BAZ2A: variants seen among roughly 807,000 people sequenced by gnomAD.
BAZ2A encodes the protein bromodomain adjacent to zinc finger domain protein 2A.
Under a neutral mutation model 199.9 loss-of-function variants are expected in BAZ2A, and 34 were observed. That is an observed-to-expected ratio of 0.17 (90% CI 0.13 to 0.23). The LOEUF is 0.23. Among genes scored for constraint, BAZ2A ranks in the 10% least tolerant of loss-of-function variants. The pLI is 1.00. For missense variants in BAZ2A, 2,002 were observed against 2,391.1 expected (o/e 0.84, Z 3.39); for synonymous variants, 857 against 883.9 (o/e 0.97, Z 0.54).
chr12:56,631,648 T>C (rs1310858686), upstream of BAZ2A, among the ~76,000 whole-genome samples: 1 of 152,156 alleles, frequency 6.6e-6, no homozygotes, highest in Non-Finnish European at 1.5e-5. Flanking sequence ...TTCAATGCAA[T>C]GCAGTTCTAG....
At chr12:56,601,472 G>A in intron 20 of BAZ2A, 70 bp from the exon 21 acceptor site, 1 of 1,591,790 alleles carries the variant, frequency 6.3e-7, no homozygotes, top group South Asian at 1.1e-5. Context: ...ACTTCAGGCA[G>A]CAGCTCCACA....
chr12:56,624,260 C>T (rs865961626), intron 1 of BAZ2A, among the ~76,000 whole-genome samples: 2 of 152,072 alleles, frequency 1.3e-5, no homozygotes, highest in African/African-American at 2.4e-5. Flanking sequence ...TAACTACCTT[C>T]CCTAGTCAGG....
Position 56,605,180 on chromosome 12 carries a change from G to A in BAZ2A, c.2641C>T (p.Gln881Ter). ...TCACCTTGACACAGGAGTCCCTCCTGCAGGACCCCCAGGCTAGGCACATCT... is the reference window on the plus strand; with the variant it reads ...TCACCTTGACACAGGAGTCCCTCCTACAGGACCCCCAGGCTAGGCACATCT... ...AKDVPSLGVL[Q>*]EGLLCQGDSL... The change falls in exon 14 of 29, where the codon CAG (glutamine) becomes TAG (stop). Residue 881 changes from glutamine to a stop codon, truncating the protein, a stop_gained. Transcript: ENST00000549884. LOFTEE classifies it high-confidence loss of function. The A allele has an allele frequency of 6.2e-7, 1 of 1,613,724 alleles. No individual in the cohort carries two copies. Among genetic ancestry groups the A allele is most frequent in the Non-Finnish European group, 8.5e-7 (1 of 1,179,820 alleles).
chr12:56,616,430 A>T (rs1950724899), intron 2 of BAZ2A, among the ~76,000 whole-genome samples: 1 of 152,102 alleles, frequency 6.6e-6, no homozygotes, highest in African/African-American at 2.4e-5. Flanking sequence ...CTAAGAATAG[A>T]ATTTGCAGTC....
At chr12:56,628,177 C>CAAAAAAAA (rs57372528) in intron 1 of BAZ2A, among the ~76,000 whole-genome samples, 4 of 28,302 alleles carry the variant, frequency 1.4e-4, no homozygotes, top group Non-Finnish European at 2.1e-4. Flanking sequence ...AACTCCGTCT[C>CAAAAAAAA]AAAAAAAAAA....
At position 56,611,639 on chromosome 12, in the gene BAZ2A, G is replaced by A. The variant is rs746116727; in HGVS notation, c.1610-6C>T. 1.3e-6 allele frequency: 2 copies of A among 1,598,520 alleles called. No individual in the cohort carries two copies. The highest frequency in any genetic ancestry group is 2.2e-5 in the East Asian group (1 of 44,850). The stretch of plus-strand genomic sequence containing the variant: ...ACGTCTCCTCATGACATCACCTTGG[G>A]AGGAAGGGATACCCAAGTTAAGAGT... On this transcript the variant is annotated splice_polypyrimidine_tract_variant and splice_region_variant and intron_variant, in intron 6 of 28. Transcript: ENST00000549884.
rs1269452283 is a variant in BAZ2A, at chr12:56,606,392, G to C, written c.2194-80C>G. On this transcript the variant is annotated intron_variant, in intron 11 of 28. Transcript: ENST00000549884. The stretch of plus-strand genomic sequence containing the variant: ...GGGCTAGGATTCAAAAACAGACAAG[G>C]GTGCTGGGGAGGAGAGGTGAGAGAT... 3.9e-6 allele frequency: 6 copies of C among 1,541,588 alleles called. No homozygotes were observed. The Admixed American group carries it at 5.1e-5, about 13-fold the overall frequency.
At chr12:56,609,623 C>T (rs1170142419) in intron 10 of BAZ2A, 113 bp downstream of exon 10, 138 of 1,169,920 alleles carry the variant, frequency 1.2e-4, no homozygotes, top group Non-Finnish European at 1.7e-4. Context: ...CAGATTCATT[C>T]TTCCCAGATA....
At chr12:56,600,876 T>A in intron 22 of BAZ2A, 44 bp from the exon 23 acceptor site, 1 of 1,611,508 alleles carries the variant, frequency 6.2e-7, no homozygotes, top group Non-Finnish European at 8.5e-7. Context: ...CAGGCTGTTG[T>A]CCCTAGCAGC....
At chr12:56,634,076 A>G (rs554434896), upstream of BAZ2A, among the ~76,000 whole-genome samples, 8 of 152,252 alleles carry the variant, frequency 5.3e-5, no homozygotes, top group South Asian at 1.7e-3. Flanking sequence ...AGATTCACAC[A>G]GACTTGTTTC....
rs1041125324 is a variant in BAZ2A at position 56,598,263 on chromosome 12, G to A, written c.*355C>T. 3 of 253,722 alleles carry A rather than the reference G, an allele frequency of 1.2e-5. No individual in the cohort carries two copies. The highest frequency in any genetic ancestry group is 2.3e-5 in the Non-Finnish European group (3 of 129,072). The allele number at this position is 253,722 out of a possible 1,614,324, so 15.7% of individuals were successfully genotyped here. On this transcript the variant is annotated 3_prime_UTR_variant, in exon 29 of 29. Coordinates refer to ENST00000549884, the MANE Select transcript of BAZ2A (RefSeq NM_001300905.2). ...TTGTTAAATAACCCCAGAATGCTGG[G>A]GCACGTACAGGGGAGGAGAGGAAGC...
intron 1 of BAZ2A, chr12:56,636,117 C>G: frequency 6.6e-7 from 1 of 1,520,408 alleles, no homozygotes; most frequent in Non-Finnish European, 8.9e-7. Context: ...CCCACCCCTG[C>G]TGAGTCAGCC....
chr12:56,613,338 T>G, intron 4 of BAZ2A, 105 bp from the exon 5 acceptor site: 4 of 1,140,012 alleles, frequency 3.5e-6, no homozygotes, highest in Non-Finnish European at 5.1e-6. Context: ...GTTCCCACAA[T>G]GTGAAGATTC....
intron 10 of BAZ2A, among the ~76,000 whole-genome samples, chr12:56,609,455 G>A (rs903054615): frequency 3.9e-5 from 6 of 152,178 alleles, no homozygotes; most frequent in Non-Finnish European, 4.4e-5. Context: ...GCTAAAAGAT[G>A]GAAAGAAAGG....
At chr12:56,636,520 G>A (rs1261739254), upstream of BAZ2A, 5 of 449,056 alleles carry the variant, frequency 1.1e-5, no homozygotes, top group Non-Finnish European at 1.0e-5. Flanking sequence ...GAAGAGGCCG[G>A]CAAAGGGGGA....
chr12:56,600,666 C>A lies in BAZ2A; in HGVS notation c.4602+15G>T. 6.2e-7 allele frequency: 1 copy of A among 1,610,630 alleles called. No homozygotes were observed. Among genetic ancestry groups the A allele is most frequent in the Non-Finnish European group, 8.5e-7 (1 of 1,178,574 alleles). The stretch of plus-strand genomic sequence containing the variant: ...TTTTCCCCAACCTTCCTACACAGTG[C>A]CAATCCCAGCATACCCGAATCTGCA... On this transcript the variant is annotated intron_variant, in intron 23 of 28. Coordinates refer to ENST00000549884, the MANE Select transcript of BAZ2A (RefSeq NM_001300905.2).
intron 23 of BAZ2A, 87 bp from the exon 24 acceptor site, chr12:56,600,577 A>C: frequency 2.5e-6 from 4 of 1,573,352 alleles, no homozygotes; most frequent in Non-Finnish European, 3.4e-6. Flanking sequence ...AGACCCACTT[A>C]AGGTAGGTCA....
Position 56,602,063 on chromosome 12 carries a change from C to A in BAZ2A, c.3554G>T (p.Arg1185Leu), listed in dbSNP as rs1354588198. ...AGTTTTTCGAGGTCGGCCTCGGGCC[C>A]GGGCAGGAGAACTGGCAGTGGTGTT... ...GSNTTASSPA[R>L]ARGRPRKTKP... Residue 1185 changes from arginine to leucine, a missense_variant, in exon 20 of 29, where the codon CGG (arginine) becomes CTG (leucine). Transcript: ENST00000549884. 1.3e-6 allele frequency: 2 copies of A among 1,563,078 alleles called. No homozygotes were observed. The highest frequency in any genetic ancestry group is 1.9e-5 in the Admixed American group (1 of 51,886).
chr12:56,630,307 A>T lies in BAZ2A; in HGVS notation c.-185T>A. ...ACCGCGGGGCCCGAGAGGAGCCAAC[A>T]TGGCCGGCGGGGGAGGAGTGAGTCG... On this transcript the variant is annotated 5_prime_UTR_variant, in exon 1 of 29. An upstream start codon of the reference 5' UTR is lost. Transcript: ENST00000549884. 1.0e-6 allele frequency: 1 copy of T among 984,198 alleles called. No individual in the cohort carries two copies. The highest frequency in any genetic ancestry group is 1.2e-6 in the Non-Finnish European group (1 of 828,778). The allele number at this position is 984,198 out of a possible 1,614,324, so 61.0% of individuals were successfully genotyped here.
Sources: allele counts gnomAD v4.1 joint callset (sites outside exome capture counted in the v4.1 genomes callset), GRCh38; gene constraint gnomAD v4.1.1; transcripts MANE v1.5; gene names NCBI Gene and HGNC (gene_info 2026-07-23, HGNC 2026-07-21).